The following NEK11 variants were observed in gnomAD, a reference collection of about 807,000 sequenced individuals.
NEK11 encodes serine/threonine-protein kinase Nek11.
NEK11 carries 72 observed loss-of-function variants against 80.7 expected under a neutral mutation model. The observed-to-expected ratio is 0.89, with a 90% CI of 0.74 to 1.08. The LOEUF is 1.08. NEK11 is among the 50% of genes least tolerant of loss of function. NEK11 has a pLI of 0.00. For synonymous variants in NEK11, 251 were observed against 260.7 expected, an observed-to-expected ratio of 0.96 and a Z score of 0.36; for missense variants, 764 against 763.6, an observed-to-expected ratio of 1.00 and a Z score of -0.01.
At chr3:131,241,166 G>T (rs1390182999) in intron 15 of NEK11, among the ~76,000 whole-genome samples, 1 of 152,094 alleles carries the variant, frequency 6.6e-6, no homozygotes. Context: ...TACTTGTTGG[G>T]AAGTGCAGGA....
At chr3:131,182,288 G>T (rs1406775364) in intron 14 of NEK11, among the ~76,000 whole-genome samples, 2 of 152,082 alleles carry the variant, frequency 1.3e-5, no homozygotes, top group African/African-American at 2.4e-5. Context: ...GGAAAAATAG[G>T]AAACCACTAA....
intron 7 of NEK11, among the ~76,000 whole-genome samples, chr3:131,140,560 T>A (rs1276890620): frequency 6.6e-6 from 1 of 152,144 alleles, no homozygotes; most frequent in East Asian, 1.9e-4. Context: ...GGTGGTTTTT[T>A]ATGCAGCAGT....
intron 15 of NEK11, among the ~76,000 whole-genome samples, chr3:131,237,303 T>C (rs139222765): frequency 3.9e-5 from 6 of 152,210 alleles, no homozygotes; most frequent in African/African-American, 1.2e-4. Context: ...GCCACTGTAC[T>C]CCAGCCTGGG....
chr3:131,343,324 A>G (rs950104269), intron 17 of NEK11, among the ~76,000 whole-genome samples: 3 of 152,196 alleles, frequency 2.0e-5, no homozygotes, highest in Non-Finnish European at 4.4e-5. Flanking sequence ...GCACTCAGGT[A>G]GAGTTTTGTC....
intron 4 of NEK11, among the ~76,000 whole-genome samples, chr3:131,103,882 G>A (rs1288711304): frequency 1.3e-5 from 2 of 152,194 alleles, no homozygotes; most frequent in Non-Finnish European, 2.9e-5. Flanking sequence ...GAGAGATCAG[G>A]GTTTTTGTTC....
intron 4 of NEK11, among the ~76,000 whole-genome samples, chr3:131,084,244 A>T (rs2075683679): frequency 6.6e-6 from 1 of 152,194 alleles, no homozygotes; most frequent in Admixed American, 6.5e-5. Context: ...TGTGGGATTG[A>T]TCTTTTTCTG....
chr3:131,302,208 G>A (rs576077191), intron 17 of NEK11, among the ~76,000 whole-genome samples: 79 of 151,836 alleles, frequency 5.2e-4, no homozygotes, highest in African/African-American at 1.6e-3. Flanking sequence ...GGTAATGTCC[G>A]ATTTGTTATT....
chr3:131,031,291 T>C (rs1312011959), intron 3 of NEK11, among the ~76,000 whole-genome samples: 2 of 152,358 alleles, frequency 1.3e-5, no homozygotes, highest in South Asian at 2.1e-4. Flanking sequence ...CCTTAGAACA[T>C]GCATTATGAT....
rs114782050 is a variant in NEK11 at position 131,181,805 on chromosome 3, G to A, written c.1399+10918G>A. 5.8e-3 allele frequency among the ~76,000 whole-genome samples: 837 copies of A among 144,386 alleles called. 10 individuals carry two copies. Among genetic ancestry groups the A allele is most frequent in the African/African-American group, 0.02 (789 of 39,562 alleles). The allele number at this position is 144,386 out of a possible 152,430, so 94.7% of individuals were successfully genotyped here. ...TGTGTTATGTTAAATCACAAAATTT[G>A]TGGTCATTTGTCACAGTAGACATAG... On this transcript the variant is annotated intron_variant, in intron 14 of 17. Coordinates refer to ENST00000383366, the MANE Select transcript of NEK11 (RefSeq NM_024800.5).
At chr3:131,135,711 A>G (rs1372233832) in intron 7 of NEK11, among the ~76,000 whole-genome samples, 1 of 152,096 alleles carries the variant, frequency 6.6e-6, no homozygotes, top group Non-Finnish European at 1.5e-5. Flanking sequence ...ATTCAAATAT[A>G]TATCTTTATA....
intron 13 of NEK11, 85 bp downstream of exon 13, chr3:131,169,022 G>A (rs2092486488): frequency 6.9e-6 from 7 of 1,014,416 alleles, no homozygotes; most frequent in East Asian, 5.0e-5. Flanking sequence ...ATGGGAAGCC[G>A]AACACTTTGC....
chr3:131,085,129 C>A (rs1259401454), intron 4 of NEK11, among the ~76,000 whole-genome samples: 1 of 152,190 alleles, frequency 6.6e-6, no homozygotes. Flanking sequence ...CCTTGCTTCC[C>A]AGGCAACCTT....
At chr3:131,320,855 C>T (rs1420050204) in intron 17 of NEK11, among the ~76,000 whole-genome samples, 2 of 152,090 alleles carry the variant, frequency 1.3e-5, no homozygotes, top group Non-Finnish European at 2.9e-5. Flanking sequence ...ATAGATGACA[C>T]AAACAAATAC....
intron 10 of NEK11, among the ~76,000 whole-genome samples, chr3:131,158,249 C>G (rs1423228344): frequency 6.6e-6 from 1 of 152,156 alleles, no homozygotes; most frequent in African/African-American, 2.4e-5. Flanking sequence ...GAGGCCTGCT[C>G]CTTCCCCTAA....
intron 4 of NEK11, among the ~76,000 whole-genome samples, chr3:131,103,579 A>G (rs1455268202): frequency 1.3e-5 from 2 of 152,068 alleles, no homozygotes; most frequent in Non-Finnish European, 2.9e-5. Flanking sequence ...GTGGCAAGAG[A>G]GGTGACCCCT....
At chr3:131,222,070 C>T (rs1040839323) in intron 14 of NEK11, among the ~76,000 whole-genome samples, 9 of 151,978 alleles carry the variant, frequency 5.9e-5, no homozygotes, top group Non-Finnish European at 8.8e-5. Flanking sequence ...TTTTCTATCT[C>T]GTAAGTCAAA....
chr3:131,299,625 G>A (rs1168906192), intron 17 of NEK11, among the ~76,000 whole-genome samples: 1 of 151,304 alleles, frequency 6.6e-6, no homozygotes, highest in African/African-American at 2.4e-5. Context: ...AGAACATACA[G>A]CATTTGGTTT....
intron 3 of NEK11, among the ~76,000 whole-genome samples, chr3:131,044,932 G>A (rs899483489): frequency 3.3e-5 from 5 of 152,176 alleles, no homozygotes; most frequent in East Asian, 1.9e-4. Flanking sequence ...CTCTTAGACC[G>A]CAGTGCAATC....
At chr3:131,231,742 A>G (rs1189613635) in intron 15 of NEK11, among the ~76,000 whole-genome samples, 2 of 151,900 alleles carry the variant, frequency 1.3e-5, no homozygotes, top group Non-Finnish European at 2.9e-5. Flanking sequence ...GTCATGGTCA[A>G]CTTTGTGAAT....
Sources: allele counts gnomAD v4.1 joint callset (sites outside exome capture counted in the v4.1 genomes callset), GRCh38; gene constraint gnomAD v4.1.1; transcripts MANE v1.5; gene names NCBI Gene and HGNC (gene_info 2026-07-23, HGNC 2026-07-21).